The following ST6GALNAC3 variants were observed in gnomAD, a reference collection of about 807,000 sequenced individuals.
ST6GALNAC3 encodes the protein ST6 N-acetylgalactosaminide alpha-2,6-sialyltransferase 3.
In ST6GALNAC3, 25 loss-of-function variants were observed where a neutral mutation model predicts 32.7. The observed-to-expected ratio is 0.76, with a 90% CI of 0.56 to 1.07. ST6GALNAC3 has a LOEUF of 1.07. ST6GALNAC3 is among the 50% of genes least tolerant of loss of function. The probability of loss-of-function intolerance (pLI) is 0.00; values close to 1 mark genes in which losing one functional copy is unlikely to be tolerated. For synonymous variants in ST6GALNAC3, 129 were observed against 133.1 expected, an observed-to-expected ratio of 0.97 and a Z score of 0.21; for missense variants, 355 against 382.4, an observed-to-expected ratio of 0.93 and a Z score of 0.60.
At chr1:76,150,237 G>C (rs1174948568) in intron 1 of ST6GALNAC3, among the ~76,000 whole-genome samples, 4 of 152,114 alleles carry the variant, frequency 2.6e-5, no homozygotes, top group African/African-American at 9.7e-5. Context: ...TCACCACCCT[G>C]GTGGGCTGGC....
chr1:76,112,568 C>T (rs1042801608), intron 1 of ST6GALNAC3, among the ~76,000 whole-genome samples: 74 of 151,868 alleles, frequency 4.9e-4, no homozygotes, highest in Middle Eastern at 3.4e-3. Context: ...GGAGACGCTC[C>T]TCACTTCCCA....
chr1:76,350,600 T>G (rs975571517), intron 2 of ST6GALNAC3, among the ~76,000 whole-genome samples: 3 of 152,174 alleles, frequency 2.0e-5, no homozygotes, highest in Middle Eastern at 3.2e-3. Flanking sequence ...GGTAAATGTG[T>G]GAATCATGTC....
At chr1:76,305,777 G>T in intron 1 of ST6GALNAC3, 1 of 409,828 alleles carries the variant, frequency 2.4e-6, no homozygotes, top group Non-Finnish European at 4.9e-6. Flanking sequence ...TTTAATGAGT[G>T]TTATCAGTTA....
chr1:76,127,906 A>T (rs965308522), intron 1 of ST6GALNAC3, among the ~76,000 whole-genome samples: 2 of 152,098 alleles, frequency 1.3e-5, no homozygotes, highest in Non-Finnish European at 2.9e-5. Flanking sequence ...TCTCACCTTT[A>T]AGGCCCTGCA....
chr1:76,385,561 A>G (rs78137717), intron 2 of ST6GALNAC3, among the ~76,000 whole-genome samples: 5,036 of 152,228 alleles, frequency 0.033, 114 homozygotes, highest in Non-Finnish European at 0.052. Flanking sequence ...AAGAATCAAT[A>G]TAATTAGTTA....
chr1:76,552,556 G>A (rs748120169), intron 3 of ST6GALNAC3, among the ~76,000 whole-genome samples: 15 of 152,112 alleles, frequency 9.9e-5, no homozygotes, highest in Non-Finnish European at 1.9e-4. Context: ...AGTTGTTACT[G>A]CTCTGTAGAA....
chr1:76,494,386 T>G (rs974823062), intron 3 of ST6GALNAC3, among the ~76,000 whole-genome samples: 4 of 143,998 alleles, frequency 2.8e-5, no homozygotes, highest in African/African-American at 1.0e-4. Context: ...GAGTGTATAT[T>G]AGAGTTCTCC....
chr1:76,472,526 G>A (rs771864750), intron 3 of ST6GALNAC3, among the ~76,000 whole-genome samples: 4 of 152,048 alleles, frequency 2.6e-5, no homozygotes, highest in East Asian at 1.9e-4. Context: ...TGTGAGCTCC[G>A]GAAAGGGACC....
At position 76,376,436 on chromosome 1, in the gene ST6GALNAC3, C is replaced by A. The variant is rs192547511; in HGVS notation, c.214-35572C>A. Among the ~76,000 whole-genome samples the A allele has an allele frequency of 9.2e-5, 14 of 152,240 alleles. No individual in the cohort carries two copies. The East Asian group carries it at 1.9e-3, about 21-fold the overall frequency. On this transcript the variant is annotated intron_variant, in intron 2 of 4. Transcript: ENST00000328299. The stretch of plus-strand genomic sequence containing the variant: ...TCTATCACAAGGATATCTCATGCTA[C>A]CCCTTTATGGCCACAGACAGCTCCC...
At chr1:76,078,263 T>A (rs1646843659) in intron 1 of ST6GALNAC3, among the ~76,000 whole-genome samples, 1 of 152,192 alleles carries the variant, frequency 6.6e-6, no homozygotes, top group Non-Finnish European at 1.5e-5. Flanking sequence ...TAGAGAGATA[T>A]TGATTAAAGT....
At chr1:76,399,385 T>C (rs1367625409) in intron 2 of ST6GALNAC3, among the ~76,000 whole-genome samples, 1 of 152,184 alleles carries the variant, frequency 6.6e-6, no homozygotes, top group East Asian at 1.9e-4. Context: ...TTCACCTTTT[T>C]CCATGAGGTT....
chr1:76,132,785 A>G (rs575688946), intron 1 of ST6GALNAC3, among the ~76,000 whole-genome samples: 12 of 152,268 alleles, frequency 7.9e-5, no homozygotes, highest in Admixed American at 3.9e-4. Flanking sequence ...GAAGTCTTCC[A>G]TTGTGGGGGA....
At chr1:76,378,671 A>ACC (rs1557836814) in intron 2 of ST6GALNAC3, among the ~76,000 whole-genome samples, 6 of 81,914 alleles carry the variant, frequency 7.3e-5, no homozygotes, top group Admixed American at 1.1e-4. Context: ...CCCCCCCCAA[A>ACC]AAAAAAAATT....
chr1:76,146,695 C>G (rs181399304), intron 1 of ST6GALNAC3, among the ~76,000 whole-genome samples: 1 of 152,202 alleles, frequency 6.6e-6, no homozygotes, highest in Non-Finnish European at 1.5e-5. Flanking sequence ...TTCCACCCCC[C>G]TCACCGCTAA....
At chr1:76,290,977 T>C (rs1660049507) in intron 1 of ST6GALNAC3, among the ~76,000 whole-genome samples, 1 of 152,130 alleles carries the variant, frequency 6.6e-6, no homozygotes, top group Non-Finnish European at 1.5e-5. Context: ...ACAGCTAAAA[T>C]TTGAAAGGTC....
intron 3 of ST6GALNAC3, among the ~76,000 whole-genome samples, chr1:76,537,360 T>C (rs919146909): frequency 6.6e-6 from 1 of 152,128 alleles, no homozygotes; most frequent in African/African-American, 2.4e-5. Context: ...TAAATGCCCA[T>C]ATCAGAAAGC....
chr1:76,341,678 T>TTCCTTCC (rs1648037640), intron 2 of ST6GALNAC3, among the ~76,000 whole-genome samples: 1 of 121,308 alleles, frequency 8.2e-6, no homozygotes, highest in African/African-American at 3.6e-5. Context: ...TCTTTCTTTC[T>TTCCTTCC]TTCCTTCTTT....
At chr1:76,340,106 A>C (rs943924152) in intron 2 of ST6GALNAC3, among the ~76,000 whole-genome samples, 1 of 152,244 alleles carries the variant, frequency 6.6e-6, no homozygotes, top group Admixed American at 6.5e-5. Context: ...GGCAACATAC[A>C]TGAAACCCCC....
intron 3 of ST6GALNAC3, among the ~76,000 whole-genome samples, chr1:76,439,384 T>C (rs902489929): frequency 6.6e-6 from 1 of 152,198 alleles, no homozygotes; most frequent in Non-Finnish European, 1.5e-5. Context: ...ACGTGGTGTA[T>C]ACAAATGAAA....
Sources: allele counts gnomAD v4.1 joint callset (sites outside exome capture counted in the v4.1 genomes callset), GRCh38; gene constraint gnomAD v4.1.1; transcripts MANE v1.5; gene names NCBI Gene and HGNC (gene_info 2026-07-23, HGNC 2026-07-21).